CSGALNACT1: variants seen among roughly 807,000 people sequenced by gnomAD.
CSGALNACT1 encodes the protein chondroitin sulfate N-acetylgalactosaminyltransferase 1, also known as beta4GalNAcT-1.
Under a neutral mutation model 51.0 loss-of-function variants are expected in CSGALNACT1, and 52 were observed. That is an observed-to-expected ratio of 1.02 (90% CI 0.82 to 1.29). CSGALNACT1 has a LOEUF of 1.29. CSGALNACT1 is among the 50% of genes most tolerant of loss of function. The pLI is 0.00. For missense variants in CSGALNACT1, 935 were observed against 679.2 expected, an observed-to-expected ratio of 1.38 and a Z score of -4.19; for synonymous variants, 341 against 254.4, an observed-to-expected ratio of 1.34 and a Z score of -3.24.
chr8:19,526,677 T>G (rs555813140), intron 3 of CSGALNACT1, among the ~76,000 whole-genome samples: 1 of 152,124 alleles, frequency 6.6e-6, no homozygotes, highest in Non-Finnish European at 1.5e-5. Flanking sequence ...CACAATCCAA[T>G]GGCGATCAAT....
At chr8:19,433,388 A>T (rs140043757) in intron 6 of CSGALNACT1, among the ~76,000 whole-genome samples, 1 of 152,236 alleles carries the variant, frequency 6.6e-6, no homozygotes, top group African/African-American at 2.4e-5. Context: ...AGAGAGGTAC[A>T]TGGTCCTTAG....
Position 19,612,203 on chromosome 8 carries a change from C to T in CSGALNACT1, c.-543-10338G>A, listed in dbSNP as rs150820562. Among the ~76,000 whole-genome samples, 15 of 152,128 alleles carry T rather than the reference C, an allele frequency of 9.9e-5. No individual in the cohort carries two copies. The East Asian group carries it at 2.5e-3, about 26-fold the overall frequency. On this transcript the variant is annotated intron_variant, in intron 1 of 9. Transcript: ENST00000332246. ...ACTAAAAATACAAAATTTAGCAGAGCGTGATGGCACATGCCTGTAATTCTA... is the reference window on the plus strand; with the variant it reads ...ACTAAAAATACAAAATTTAGCAGAGTGTGATGGCACATGCCTGTAATTCTA...
intron 1 of CSGALNACT1, among the ~76,000 whole-genome samples, chr8:19,617,303 A>C (rs2053166037): frequency 6.6e-6 from 1 of 152,162 alleles, no homozygotes; most frequent in South Asian, 2.1e-4. Context: ...TTCACCTTCT[A>C]TGGGGCCTGG....
At position 19,465,822 on chromosome 8, in the gene CSGALNACT1, C is replaced by A. The variant is rs1294817599; in HGVS notation, c.635-7180G>T. Reference sequence around the variant, plus strand: ...AGAAGATGTGATACGCTTGTGTTAGCCTAACTGGTCAATGAAGGCCTGGGA... The same window carrying A: ...AGAAGATGTGATACGCTTGTGTTAGACTAACTGGTCAATGAAGGCCTGGGA... On this transcript the variant is annotated intron_variant, in intron 4 of 9. Coordinates refer to ENST00000454498, the Ensembl canonical transcript of CSGALNACT1. Among the ~76,000 whole-genome samples, 4 of 150,586 alleles carry A rather than the reference C, an allele frequency of 2.7e-5. No individual in the cohort carries two copies. In the East Asian group the frequency reaches 7.7e-4, roughly 29 times the overall value.
intron 1 of CSGALNACT1, among the ~76,000 whole-genome samples, chr8:19,612,599 G>T (rs557211948): frequency 2.6e-5 from 4 of 151,930 alleles, no homozygotes; most frequent in African/African-American, 9.7e-5. Flanking sequence ...TGATAAGCAC[G>T]CAAGAGTTAA....
At chr8:19,567,141 GAA>G (rs1352431932) in intron 3 of CSGALNACT1, among the ~76,000 whole-genome samples, 2 of 152,280 alleles carry the variant, frequency 1.3e-5, no homozygotes, top group East Asian at 3.9e-4. Context: ...TGGTTCAACT[GAA>G]AAGACTCAAG....
intron 1 of CSGALNACT1, among the ~76,000 whole-genome samples, chr8:19,696,803 C>T (rs546952904): frequency 2.0e-5 from 3 of 152,266 alleles, no homozygotes; most frequent in South Asian, 2.1e-4. Context: ...CACACAGTGT[C>T]GACTGTTCTC....
At chr8:19,692,134 G>A (rs1001715913) in intron 1 of CSGALNACT1, among the ~76,000 whole-genome samples, 4 of 152,124 alleles carry the variant, frequency 2.6e-5, no homozygotes, top group African/African-American at 9.7e-5. Context: ...AGAACAGCAT[G>A]GAGGAACCGC....
intron 1 of CSGALNACT1, among the ~76,000 whole-genome samples, chr8:19,662,763 T>C (rs980510838): frequency 6.6e-6 from 1 of 152,202 alleles, no homozygotes; most frequent in Non-Finnish European, 1.5e-5. Context: ...ATGCTCACCT[T>C]TGGCTCTGTC....
intron 3 of CSGALNACT1, among the ~76,000 whole-genome samples, chr8:19,508,401 C>G (rs1057034703): frequency 6.6e-6 from 1 of 152,242 alleles, no homozygotes; most frequent in South Asian, 2.1e-4. Context: ...CAAGGATTCT[C>G]TCTACTGTAA....
chr8:19,549,492 T>C (rs1244685384), intron 3 of CSGALNACT1, among the ~76,000 whole-genome samples: 1 of 152,046 alleles, frequency 6.6e-6, no homozygotes, highest in Non-Finnish European at 1.5e-5. Flanking sequence ...TTTTCCAATT[T>C]CTTTTGTTTT....
intron 3 of CSGALNACT1, among the ~76,000 whole-genome samples, chr8:19,537,064 G>C (rs1333283279): frequency 6.6e-6 from 1 of 152,138 alleles, no homozygotes; most frequent in Non-Finnish European, 1.5e-5. Context: ...TGAGTTCCTA[G>C]CCATGACAGC....
intron 2 of CSGALNACT1, among the ~76,000 whole-genome samples, chr8:19,599,502 AAG>A (rs1491538747): frequency 1.3e-5 from 2 of 150,508 alleles, no homozygotes; most frequent in African/African-American, 4.9e-5. Context: ...GAAAGAAAGA[AAG>A]AAAGAAAGAA....
intron 4 of CSGALNACT1, among the ~76,000 whole-genome samples, chr8:19,477,731 A>G (rs950099773): frequency 6.6e-6 from 1 of 152,014 alleles, no homozygotes; most frequent in African/African-American, 2.4e-5. Context: ...CTTCACTTCT[A>G]AAATAAGAAT....
intron 3 of CSGALNACT1, among the ~76,000 whole-genome samples, chr8:19,512,901 T>TAGA (rs2078725592): frequency 1.3e-5 from 2 of 152,184 alleles, no homozygotes; most frequent in African/African-American, 2.4e-5. Flanking sequence ...GTGTGTTGTG[T>TAGA]AGAAGTAGCT....
At chr8:19,534,002 T>A (rs1194285499) in intron 3 of CSGALNACT1, among the ~76,000 whole-genome samples, 1 of 152,192 alleles carries the variant, frequency 6.6e-6, no homozygotes, top group East Asian at 1.9e-4. Flanking sequence ...TCAATTGTTC[T>A]GAGGTACTCA....
intron 3 of CSGALNACT1, among the ~76,000 whole-genome samples, chr8:19,551,771 CA>C (rs1370411053): frequency 6.6e-6 from 1 of 152,206 alleles, no homozygotes; most frequent in East Asian, 1.9e-4. Context: ...TTGACATTCT[CA>C]CCCACTAAGC....
chr8:19,635,407 T>C (rs950305102), intron 1 of CSGALNACT1, among the ~76,000 whole-genome samples: 1 of 152,212 alleles, frequency 6.6e-6, no homozygotes, highest in African/African-American at 2.4e-5. Flanking sequence ...CCTACTGGTG[T>C]TTTTCCTCAA....
intron 3 of CSGALNACT1, among the ~76,000 whole-genome samples, chr8:19,580,555 C>A (rs1002355756): frequency 6.6e-6 from 1 of 152,104 alleles, no homozygotes; most frequent in African/African-American, 2.4e-5. Flanking sequence ...CTACTGCCAA[C>A]AGAAAAGAAA....
Sources: allele counts gnomAD v4.1 joint callset (sites outside exome capture counted in the v4.1 genomes callset), GRCh38; gene constraint gnomAD v4.1.1; transcripts MANE v1.5; gene names NCBI Gene and HGNC (gene_info 2026-07-23, HGNC 2026-07-21).